USP14: variants seen among roughly 807,000 people sequenced by gnomAD.
USP14 encodes ubiquitin specific peptidase 14, also known as ubiquitin carboxyl-terminal hydrolase 14.
USP14 carries 38 observed loss-of-function variants against 76.5 expected under a neutral mutation model. That is an observed-to-expected ratio of 0.50 (90% CI 0.38 to 0.65). The LOEUF (loss-of-function observed/expected upper bound fraction) is 0.65. Among genes scored for constraint, USP14 ranks in the 30% least tolerant of loss-of-function variants. The pLI, the probability that USP14 is intolerant of heterozygous loss-of-function variation, is 0.00. For synonymous variants in USP14, 192 were observed against 191.7 expected (o/e 1.00, Z -0.01); for missense variants, 467 against 586.5 (o/e 0.80, Z 2.10).
At chr18:170,286 A>T (rs984188702) in intron 3 of USP14, among the ~76,000 whole-genome samples, 7 of 152,300 alleles carry the variant, frequency 4.6e-5, no homozygotes, top group African/African-American at 1.7e-4. Flanking sequence ...CCTGGCCAAC[A>T]GAGCGAGACT....
chr18:173,209 G>A (rs1909517329), intron 3 of USP14, among the ~76,000 whole-genome samples: 1 of 150,052 alleles, frequency 6.7e-6, no homozygotes, highest in South Asian at 2.1e-4. Flanking sequence ...CCTGGTTCAC[G>A]CCATTCTCCT....
At chr18:163,143 G>A (rs1909170171) in intron 1 of USP14, 165 bp from the exon 2 acceptor site, 4 of 546,394 alleles carry the variant, frequency 7.3e-6, no homozygotes, top group Non-Finnish European at 9.4e-6. Flanking sequence ...ATTTTATTCA[G>A]CACCTACTGC....
intron 13 of USP14, among the ~76,000 whole-genome samples, chr18:208,001 T>A (rs1340226119): frequency 6.6e-6 from 1 of 152,112 alleles, no homozygotes; most frequent in Admixed American, 6.5e-5. Context: ...TATGTAGAAT[T>A]GGTGTTAATT....
At chr18:206,891 G>A (rs1161344114) in intron 13 of USP14, among the ~76,000 whole-genome samples, 2 of 152,154 alleles carry the variant, frequency 1.3e-5, no homozygotes, top group African/African-American at 2.4e-5. Context: ...ACATTGCCCA[G>A]TCCATGCCCT....
At chr18:169,866 G>A (rs1909393364) in intron 3 of USP14, among the ~76,000 whole-genome samples, 1 of 151,990 alleles carries the variant, frequency 6.6e-6, no homozygotes, top group Non-Finnish European at 1.5e-5. Context: ...TTGTTTTGGG[G>A]TGTCATGAAT....
chr18:208,480 G>T (rs375219486), intron 13 of USP14, among the ~76,000 whole-genome samples: 21 of 151,954 alleles, frequency 1.4e-4, no homozygotes, highest in African/African-American at 5.1e-4. Context: ...TAGTTGTATT[G>T]ATTTCTGCTC....
rs772506851 is a variant in USP14 at position 210,024 on chromosome 18, T to C, written c.1218T>C (p.Phe406=). ...AAGTTAAGTATGAACCCTTTTCTTT[T>C]GCTGATGGTAAGTAACATTCTCATT... The part of the protein sequence containing the change: ...QKEVKYEPFS[F]ADDIGSNNCG... The change falls in exon 14 of 16, where the codon TTT becomes TTC. Residue 406 remains phenylalanine (F), a synonymous_variant. Transcript: ENST00000261601. The C allele has an allele frequency of 8.1e-6, 13 of 1,604,510 alleles. No homozygotes were observed. Among genetic ancestry groups the C allele is most frequent in the Non-Finnish European group, 1.1e-5 (13 of 1,176,216 alleles).
chr18:212,237 T>C lies in USP14; in HGVS notation c.*953T>C, dbSNP rs899748556. On this transcript the variant is annotated 3_prime_UTR_variant, in exon 16 of 16. Coordinates refer to ENST00000261601, the MANE Select transcript of USP14 (RefSeq NM_005151.4). ...AAAGTTGTAAAAGTAATGGATTTCT[T>C]TGGATGCTGAATGCAGTGATGTTAT... 6.6e-6 allele frequency: 1 copy of C among 152,246 alleles called. No individual in the cohort carries two copies. Among genetic ancestry groups the C allele is most frequent in the Non-Finnish European group, 1.5e-5 (1 of 68,050 alleles). The allele number at this position is 152,246 out of a possible 1,614,324, so 9.4% of individuals were successfully genotyped here.
chr18:173,441 C>T (rs1482963974), intron 3 of USP14, among the ~76,000 whole-genome samples: 2 of 140,276 alleles, frequency 1.4e-5, no homozygotes, highest in African/African-American at 2.7e-5. Context: ...GACGGAGTTC[C>T]GTTCTTGTTG....
chr18:189,150 TC>T (rs1451353498), intron 5 of USP14, among the ~76,000 whole-genome samples: 2 of 152,114 alleles, frequency 1.3e-5, no homozygotes, highest in African/African-American at 4.8e-5. Flanking sequence ...ATTTGTGTTT[TC>T]CTCCCTTGAT....
chr18:202,946 G>C lies in USP14; in HGVS notation c.942+1G>C. On this transcript the variant is annotated splice_donor_variant, in intron 11 of 15. Coordinates refer to ENST00000261601, the MANE Select transcript of USP14 (RefSeq NM_005151.4). LOFTEE classifies it high-confidence loss of function. ...AAGAAATGCCTTGTATATCAAATCT[G>C]TAAGTTATGCAGTCCTTTCGAAGCC... 1 of 1,614,026 alleles carries C rather than the reference G, an allele frequency of 6.2e-7. No individual in the cohort carries two copies. Among genetic ancestry groups the C allele is most frequent in the Non-Finnish European group, 8.5e-7 (1 of 1,179,962 alleles).
chr18:165,034 C>T lies in USP14; in HGVS notation c.162+1581C>T, dbSNP rs137907259. On this transcript the variant is annotated intron_variant, in intron 2 of 15. Transcript: ENST00000261601. ...CGCCATCTCGGCTAACTGCAACCAC[C>T]GCCTCCCGGGCTCAAGTGACTGTCC... Among the ~76,000 whole-genome samples the T allele has an allele frequency of 6.2e-4, 94 of 152,160 alleles. No individual in the cohort carries two copies. The East Asian group carries it at 0.011, about 19-fold the overall frequency.
chr18:165,755 G>A (rs532828170), intron 2 of USP14, among the ~76,000 whole-genome samples: 3 of 152,130 alleles, frequency 2.0e-5, no homozygotes, highest in African/African-American at 4.8e-5. Flanking sequence ...ATCTTAGGGG[G>A]CATTTATAGT....
chr18:204,401 T>C (rs1598279385), intron 12 of USP14, among the ~76,000 whole-genome samples, 163 bp from the exon 13 acceptor site: 1 of 152,216 alleles, frequency 6.6e-6, no homozygotes, highest in Non-Finnish European at 1.5e-5. Flanking sequence ...TTCTTGAAAA[T>C]AGGCACTCTT....
rs765297412 is a variant in USP14 at position 192,941 on chromosome 18, C to G, written c.463+41C>G. ...ATACTACTTTTTGATAGGAGTAAGA[C>G]ATTCTATTTTTCGCTCACAATCCTT... On this transcript the variant is annotated intron_variant, in intron 6 of 15. Transcript: ENST00000261601. The G allele has an allele frequency of 6.5e-6, 10 of 1,541,756 alleles. No individual in the cohort carries two copies. In the East Asian group the frequency reaches 2.1e-4, roughly 32 times the overall value.
At chr18:197,892 T>G (rs1219768774) in intron 8 of USP14, among the ~76,000 whole-genome samples, 155 bp from the exon 9 acceptor site, 1 of 152,172 alleles carries the variant, frequency 6.6e-6, no homozygotes, top group Non-Finnish European at 1.5e-5. Context: ...TTTATTAAAC[T>G]TAATTCATTG....
intron 6 of USP14, among the ~76,000 whole-genome samples, chr18:196,354 T>G (rs966981237): frequency 2.8e-5 from 4 of 141,564 alleles, no homozygotes; most frequent in Non-Finnish European, 1.5e-5. Flanking sequence ...CCATCTCTAC[T>G]AAAAAAAAAA....
intron 6 of USP14, among the ~76,000 whole-genome samples, chr18:196,110 C>T (rs1910224833): frequency 6.6e-6 from 1 of 151,954 alleles, no homozygotes; most frequent in African/African-American, 2.4e-5. Context: ...ATCACAAGGT[C>T]AGGAGTTCGA....
chr18:178,265 C>T (rs2144232010), intron 3 of USP14, among the ~76,000 whole-genome samples: 1 of 152,236 alleles, frequency 6.6e-6, no homozygotes, highest in Admixed American at 6.5e-5. Context: ...CATCCACTAG[C>T]CTTGGCCTCC....
Sources: allele counts gnomAD v4.1 joint callset (sites outside exome capture counted in the v4.1 genomes callset), GRCh38; gene constraint gnomAD v4.1.1; transcripts MANE v1.5; gene names NCBI Gene and HGNC (gene_info 2026-07-23, HGNC 2026-07-21).